Variants in ATP8B4 observed in about 807,000 individuals in gnomAD.
ATP8B4 encodes the protein probable phospholipid-transporting ATPase IM.
ATP8B4 carries 133 observed loss-of-function variants against 145.6 expected under a neutral mutation model. The observed-to-expected ratio is 0.91, with a 90% CI of 0.79 to 1.05. The LOEUF (loss-of-function observed/expected upper bound fraction) is 1.05. Among genes scored for constraint, ATP8B4 ranks in the 50% least tolerant of loss-of-function variants. The probability of loss-of-function intolerance (pLI) is 0.00; values close to 1 mark genes in which losing one functional copy is unlikely to be tolerated. For synonymous variants in ATP8B4, 507 were observed against 492.9 expected, an observed-to-expected ratio of 1.03 and a Z score of -0.38; for missense variants, 1,458 against 1,425.2, an observed-to-expected ratio of 1.02 and a Z score of -0.37.
intron 2 of ATP8B4, among the ~76,000 whole-genome samples, chr15:50,076,857 T>G (rs1366729274): frequency 6.6e-6 from 1 of 152,230 alleles, no homozygotes; most frequent in Non-Finnish European, 1.5e-5. Context: ...TTTTCTGTCT[T>G]TAACCTGACT....
intron 2 of ATP8B4, among the ~76,000 whole-genome samples, chr15:50,102,399 T>C (rs796764813): frequency 1.3e-5 from 2 of 151,796 alleles, no homozygotes; most frequent in Non-Finnish European, 2.9e-5. Context: ...CAATTAGAAA[T>C]GAAACAGGAG....
chr15:49,970,424 T>C (rs1271900270), intron 13 of ATP8B4, among the ~76,000 whole-genome samples: 1 of 152,174 alleles, frequency 6.6e-6, no homozygotes, highest in African/African-American at 2.4e-5. Flanking sequence ...TTCAGCAAAG[T>C]CTCAGGATAC....
intron 6 of ATP8B4, among the ~76,000 whole-genome samples, chr15:50,031,075 T>C (rs1258476681): frequency 6.6e-6 from 1 of 152,186 alleles, no homozygotes; most frequent in Admixed American, 6.5e-5. Flanking sequence ...AAGGCAAAAT[T>C]GTTTTGAAGC....
At chr15:50,163,462 T>C (rs2414029) in intron 1 of ATP8B4, among the ~76,000 whole-genome samples, 136,460 of 152,264 alleles carry the variant, frequency 0.9, 61,465 homozygotes, top group East Asian at 0.94. Context: ...GTTCTATTTC[T>C]TTACTTTTCC....
intron 7 of ATP8B4, 80 bp downstream of exon 7, chr15:50,010,765 T>C (rs1368106534): frequency 3.2e-6 from 3 of 926,290 alleles, no homozygotes; most frequent in Non-Finnish European, 4.6e-6. Context: ...AAGGATTTAC[T>C]AAATTTGCAA....
At chr15:50,091,596 C>A (rs1331316069) in intron 2 of ATP8B4, among the ~76,000 whole-genome samples, 1 of 152,052 alleles carries the variant, frequency 6.6e-6, no homozygotes, top group Non-Finnish European at 1.5e-5. Flanking sequence ...TAGTTTGAAG[C>A]ATTTCCAAAT....
intron 16 of ATP8B4, among the ~76,000 whole-genome samples, chr15:49,925,093 A>G (rs2040596630): frequency 6.6e-6 from 1 of 152,168 alleles, no homozygotes; most frequent in South Asian, 2.1e-4. Context: ...AGGATTCTAA[A>G]AAGTTTTTTT....
chr15:50,043,065 A>C (rs1211242395), intron 5 of ATP8B4, among the ~76,000 whole-genome samples: 1 of 152,248 alleles, frequency 6.6e-6, no homozygotes, highest in East Asian at 1.9e-4. Context: ...AAACCATTTT[A>C]AAGATACAGA....
At chr15:50,175,881 A>G (rs950104402) in intron 1 of ATP8B4, among the ~76,000 whole-genome samples, 33 of 152,188 alleles carry the variant, frequency 2.2e-4, no homozygotes, top group Non-Finnish European at 1.5e-4. Flanking sequence ...TCATTACTCA[A>G]AAAAGATACT....
rs930813152 is a variant in ATP8B4, at chr15:49,917,479, G to A, written c.2036-440C>T. Among the ~76,000 whole-genome samples the A allele has an allele frequency of 2.0e-5, 3 of 151,696 alleles. No homozygotes were observed. In the East Asian group the frequency reaches 5.8e-4, roughly 29 times the overall value. On this transcript the variant is annotated intron_variant, in intron 19 of 27. Transcript: ENST00000284509. ...AATTTGAAGAAAAAACTCACAAAAT[G>A]TTCAGTTGAATGACAAAAAAAAATG...
chr15:49,893,621 G>GT (rs2037066208), intron 23 of ATP8B4, among the ~76,000 whole-genome samples: 1 of 152,186 alleles, frequency 6.6e-6, no homozygotes, highest in South Asian at 2.1e-4. Flanking sequence ...GAAAAAGAAA[G>GT]TAGAGTGGTG....
chr15:50,172,702 G>A (rs968246306), intron 1 of ATP8B4, among the ~76,000 whole-genome samples: 2 of 151,846 alleles, frequency 1.3e-5, no homozygotes, highest in East Asian at 1.9e-4. Context: ...AGTGAGGAGC[G>A]TCTCTGCCTG....
At chr15:50,157,740 TCTCCC>T in intron 1 of ATP8B4, among the ~76,000 whole-genome samples, 1 of 30,348 alleles carries the variant, frequency 3.3e-5, no homozygotes, top group South Asian at 1.3e-3. Flanking sequence ...TTCTTCTTCC[TCTCCC>T]TCTCCCTCTC....
chr15:49,878,866 G>T (rs1003078738), intron 24 of ATP8B4, among the ~76,000 whole-genome samples: 1 of 152,054 alleles, frequency 6.6e-6, no homozygotes, highest in African/African-American at 2.4e-5. Context: ...GCAGATGTTC[G>T]CAACAAGGGA....
chr15:50,125,879 G>A (rs141697415), intron 1 of ATP8B4, among the ~76,000 whole-genome samples: 2 of 152,288 alleles, frequency 1.3e-5, no homozygotes, highest in African/African-American at 4.8e-5. Context: ...GCTACAGCTT[G>A]TAACTGCAGA....
intron 1 of ATP8B4, among the ~76,000 whole-genome samples, chr15:50,170,317 C>A (rs2044652426): frequency 6.6e-6 from 1 of 152,124 alleles, no homozygotes; most frequent in Non-Finnish European, 1.5e-5. Context: ...AGATTAACAG[C>A]AGATTTCTCA....
chr15:49,899,435 C>G (rs987354221), intron 21 of ATP8B4, among the ~76,000 whole-genome samples: 1 of 152,086 alleles, frequency 6.6e-6, no homozygotes, highest in Non-Finnish European at 1.5e-5. Context: ...AGCACTGTGA[C>G]CGGGGCACGC....
intron 2 of ATP8B4, among the ~76,000 whole-genome samples, chr15:50,083,868 G>C (rs908604359): frequency 6.6e-6 from 1 of 152,174 alleles, no homozygotes; most frequent in Non-Finnish European, 1.5e-5. Context: ...CATCTAGCTA[G>C]AATAGCTAGT....
chr15:50,102,877 T>C (rs1334205326), intron 2 of ATP8B4, among the ~76,000 whole-genome samples: 1 of 150,948 alleles, frequency 6.6e-6, no homozygotes, highest in Non-Finnish European at 1.5e-5. Context: ...CAACAACATA[T>C]CAAAAAGATT....
Sources: allele counts gnomAD v4.1 joint callset (sites outside exome capture counted in the v4.1 genomes callset), GRCh38; gene constraint gnomAD v4.1.1; transcripts MANE v1.5; gene names NCBI Gene and HGNC (gene_info 2026-07-23, HGNC 2026-07-21).